LPA: variants seen among roughly 807,000 people sequenced by gnomAD.
LPA encodes apolipoprotein(a).
LPA carries 199 observed loss-of-function variants against 197.9 expected under a neutral mutation model. That is an observed-to-expected ratio of 1.01 (90% CI 0.90 to 1.13). LPA has a LOEUF of 1.13. LPA is among the 50% of genes most tolerant of loss of function. LPA has a pLI of 0.00. For synonymous variants in LPA, 715 were observed against 639.5 expected (o/e 1.12, Z -1.78); for missense variants, 1,853 against 1,785.8 (o/e 1.04, Z -0.68).
intron 33 of LPA, among the ~76,000 whole-genome samples, chr6:160,543,390 G>A (rs1778015840): frequency 6.6e-6 from 1 of 152,016 alleles, no homozygotes; most frequent in Non-Finnish European, 1.5e-5. Context: ...CTTCTCTGTT[G>A]TCTCCAGCCC....
chr6:160,532,576 C>T lies in LPA; in HGVS notation c.5916G>A (p.Lys1972=). 1 of 1,613,384 alleles carries T rather than the reference C, an allele frequency of 6.2e-7. No homozygotes were observed. The highest frequency in any genetic ancestry group is 8.5e-7 in the Non-Finnish European group (1 of 1,179,500). ...VIENEVCNHY[K]YICAEHLARG... ...TGGCCAAATGCTCAGCACAAATATA[C>T]TTATAGTGATTGCACACTTCATTCT... is the stretch of plus-strand genomic sequence containing the variant. The change falls in exon 38 of 39, where the codon AAG becomes AAA. Residue 1972 remains lysine (K), a synonymous_variant. Transcript: ENST00000316300.
intron 23 of LPA, 136 bp downstream of exon 23, chr6:160,590,808 C>T (rs747070933): frequency 1.4e-4 from 168 of 1,237,254 alleles, no homozygotes; most frequent in Non-Finnish European, 1.0e-4. Flanking sequence ...GGCGCTGAGG[C>T]TTCCTTCCCA....
intron 23 of LPA, among the ~76,000 whole-genome samples, chr6:160,590,016 G>A (rs1778995214): frequency 6.6e-6 from 1 of 152,226 alleles, no homozygotes; most frequent in African/African-American, 2.4e-5. Context: ...GGGTGTTCCT[G>A]AGAACAAGGC....
chr6:160,657,958 G>A (rs1024454052), intron 1 of LPA, among the ~76,000 whole-genome samples: 1 of 152,142 alleles, frequency 6.6e-6, no homozygotes, highest in Non-Finnish European at 1.5e-5. Context: ...AAGGAATTTA[G>A]CCTAGTTATA....
Position 160,577,187 on chromosome 6 carries a change from G to A in LPA, c.4580C>T (p.Ser1527Leu), listed in dbSNP as rs1255444665. The change falls in exon 28 of 39, where the codon TCA becomes TTA. Residue 1527 changes from serine (S) to leucine (L), a missense_variant. Transcript: ENST00000316300. ...CTGATGCCAGTGTGGTATCATAGAT[G>A]ACCAAGATTGACAGGTCCTTCCTGT... ...TVTGRTCQSWSSMIPHWHQRT... is the reference protein window; with the variant it reads ...TVTGRTCQSWLSMIPHWHQRT... 1.9e-6 allele frequency: 3 copies of A among 1,613,902 alleles called. No homozygotes were observed. The highest frequency in any genetic ancestry group is 1.1e-5 in the South Asian group (1 of 91,066).
At position 160,566,746 on chromosome 6, in the gene LPA, C is replaced by T. The variant is rs368605797; in HGVS notation, c.4632-9175G>A. On this transcript the variant is annotated intron_variant, in intron 28 of 38. Transcript: ENST00000316300. ...ATCAGTGTGCTGTATTCTGAAGACA[C>T]ATCTCACGTGCAGAGACACACATAG... is the stretch of plus-strand genomic sequence containing the variant. Among the ~76,000 whole-genome samples, 27 of 152,246 alleles carry T rather than the reference C, an allele frequency of 1.8e-4. No individual in the cohort carries two copies. In the East Asian group the frequency reaches 3.5e-3, roughly 20 times the overall value.
Position 160,589,585 on chromosome 6 carries a change from C to A in LPA, c.3915G>T (p.Trp1305Cys), listed in dbSNP as rs780512843. The A allele has an allele frequency of 6.2e-6, 10 of 1,613,826 alleles. No individual in the cohort carries two copies. In the South Asian group the frequency reaches 8.8e-5, roughly 14 times the overall value. ...CQSWSSMTPH[W>C]HQRTTEYYPN... ...GGTAGTATTCTGTGGTTCTCTGATG[C>A]CAGTGTGGTGTCATAGAGGACCAAG... Residue 1305 changes from tryptophan to cysteine, a missense_variant, in exon 24 of 39, where the codon TGG becomes TGT. By Grantham distance (215) the Trp-to-Cys change is radical. Transcript: ENST00000316300.
chr6:160,584,319 TTTCTTCTTC>T (rs199702752), intron 26 of LPA, among the ~76,000 whole-genome samples: 3 of 144,004 alleles, frequency 2.1e-5, no homozygotes, highest in Non-Finnish European at 4.5e-5. Context: ...CTCTTCTTCT[TTTCTTCTTC>T]TTCTTCTTTT....
chr6:160,540,652 C>T (rs1023762506), intron 35 of LPA, among the ~76,000 whole-genome samples: 3 of 152,202 alleles, frequency 2.0e-5, no homozygotes, highest in African/African-American at 7.2e-5. Flanking sequence ...TTGCCCTCCA[C>T]CATGATTGTA....
At position 160,611,635 on chromosome 6, in the gene LPA, C is replaced by G; in HGVS notation, c.2530G>C (p.Gly844Arg). 1.3e-6 allele frequency: 2 copies of G among 1,588,430 alleles called. No individual in the cohort carries two copies. The highest frequency in any genetic ancestry group is 1.7e-6 in the Non-Finnish European group (2 of 1,170,268). Residue 844 changes from glycine to arginine, a missense_variant, in exon 16 of 39, where the codon GGA becomes CGA. Around this residue, in one of 3 missense-constraint regions of LPA, gnomAD observed 1,737 missense variants for 1,504.4 expected, o/e 1.15. Coordinates refer to ENST00000316300, the MANE Select transcript of LPA (RefSeq NM_005577.4). ...GATGACCAAGCTTGGCAGGTTCTTC[C>G]AGTGACAGTGGTGGAGTATGTGCCT... ...YRGTYSTTVT[G>R]RTCQAWSSMT...
chr6:160,600,623 A>T (rs1779219303), intron 19 of LPA, among the ~76,000 whole-genome samples: 1 of 152,166 alleles, frequency 6.6e-6, no homozygotes, highest in Admixed American at 6.5e-5. Context: ...ACAGCATATT[A>T]CAATAAGAAT....
At chr6:160,555,436 C>CATATATATATATATATAT (rs770158265) in intron 30 of LPA, among the ~76,000 whole-genome samples, 1,253 of 121,712 alleles carry the variant, frequency 0.01, 14 homozygotes, top group African/African-American at 0.018. Flanking sequence ...TTCCCTAGAA[C>CATATATATATATATATAT]ATATATATAT....
At chr6:160,608,528 A>G (rs1338724336) in intron 16 of LPA, among the ~76,000 whole-genome samples, 1 of 152,132 alleles carries the variant, frequency 6.6e-6, no homozygotes, top group African/African-American at 2.4e-5. Context: ...TCTTGTTATT[A>G]TATCTTTGTC....
chr6:160,652,765 C>T (rs1223280951), intron 1 of LPA, among the ~76,000 whole-genome samples: 1 of 151,888 alleles, frequency 6.6e-6, no homozygotes, highest in Non-Finnish European at 1.5e-5. Context: ...AGCAATAGCA[C>T]AACATTTTGA....
chr6:160,647,145 C>T (rs937436149), intron 2 of LPA, among the ~76,000 whole-genome samples: 2 of 152,184 alleles, frequency 1.3e-5, no homozygotes, highest in South Asian at 4.1e-4. Context: ...CCTCTGCTGT[C>T]CACAGCCACT....
Position 160,547,943 on chromosome 6 carries a change from G to T in LPA, c.5156-6C>A. ...CCCATTCCCAAACATACAGTCTGTA[G>T]AAAAAAATAAAAATAAAACAGATGA... On this transcript the variant is annotated splice_region_variant and splice_polypyrimidine_tract_variant and intron_variant, in intron 31 of 38. Coordinates refer to ENST00000316300, the MANE Select transcript of LPA (RefSeq NM_005577.4). The T allele has an allele frequency of 6.2e-7, 1 of 1,613,436 alleles. No individual in the cohort carries two copies. The highest frequency in any genetic ancestry group is 8.5e-7 in the Non-Finnish European group (1 of 1,179,884).
intron 28 of LPA, among the ~76,000 whole-genome samples, chr6:160,563,280 T>C (rs1003228608): frequency 6.6e-6 from 1 of 152,224 alleles, no homozygotes; most frequent in Non-Finnish European, 1.5e-5. Flanking sequence ...TTGTTCTCTT[T>C]GGTTTCTAAG....
At position 160,540,062 on chromosome 6, in the gene LPA, C is replaced by T; in HGVS notation, c.5716G>A (p.Ala1906Thr). Residue 1906 changes from alanine (A) to threonine (T), a missense_variant, in exon 36 of 39, where the codon GCC becomes ACC. By Grantham distance (58) the Ala-to-Thr change is moderately conservative. Coordinates refer to ENST00000316300, the MANE Select transcript of LPA (RefSeq NM_005577.4). ...GAGTACCTGCTTAGCTTTAGCAAGG[C>T]AATATCTGCTTGTGTGGGCTCCAAG... is the stretch of plus-strand genomic sequence containing the variant. Reference protein sequence around the residue: ...LFLEPTQADIALLKLSRPAVI... With the variant: ...LFLEPTQADITLLKLSRPAVI... The T allele has an allele frequency of 6.2e-7, 1 of 1,614,106 alleles. No homozygotes were observed. Among genetic ancestry groups the T allele is most frequent in the Non-Finnish European group, 8.5e-7 (1 of 1,180,010 alleles).
intron 28 of LPA, among the ~76,000 whole-genome samples, chr6:160,571,629 T>C (rs1410437597): frequency 6.6e-6 from 1 of 152,236 alleles, no homozygotes; most frequent in Non-Finnish European, 1.5e-5. Context: ...CAAGCTGCAG[T>C]GCACCCTGCC....
Sources: allele counts gnomAD v4.1 joint callset (sites outside exome capture counted in the v4.1 genomes callset), GRCh38; gene constraint gnomAD v4.1.1; regional missense constraint gnomAD v4.1.1; transcripts MANE v1.5; gene names NCBI Gene and HGNC (gene_info 2026-07-23, HGNC 2026-07-21).